The following GRM7 variants were observed in gnomAD, a reference collection of about 807,000 sequenced individuals.
GRM7 encodes the protein glutamate metabotropic receptor 7.
A neutral mutation model predicts 84.5 loss-of-function variants in GRM7; 35 were observed. That is an observed-to-expected ratio of 0.41 (90% CI 0.32 to 0.55). The LOEUF is 0.55. Ranked by LOEUF, GRM7 falls within the 20% of genes least tolerant of loss-of-function variation. The pLI, the probability that GRM7 is intolerant of heterozygous loss-of-function variation, is 0.19. For missense variants in GRM7, 1,003 were observed against 1,194.6 expected (o/e 0.84, Z 2.36); for synonymous variants, 487 against 455.1 (o/e 1.07, Z -0.89).
intron 1 of GRM7, among the ~76,000 whole-genome samples, chr3:7,065,348 G>C (rs186148421): frequency 1.3e-4 from 19 of 151,772 alleles, no homozygotes; most frequent in African/African-American, 4.6e-4. Context: ...CCTTAATCCA[G>C]CTTGAATTGA....
chr3:7,533,588 A>T lies in GRM7; in HGVS notation c.1516-44834A>T, dbSNP rs573286380. Among the ~76,000 whole-genome samples, 3 of 152,288 alleles carry T rather than the reference A, an allele frequency of 2.0e-5. No individual in the cohort carries two copies. In the East Asian group the frequency reaches 5.8e-4, roughly 29 times the overall value. Reference sequence around the variant, plus strand: ...CCCAAGGAGCAAGCCAGGCTCTCCAATAAGCTGTGTAGCTTCACAAAAGGG... The same window carrying T: ...CCCAAGGAGCAAGCCAGGCTCTCCATTAAGCTGTGTAGCTTCACAAAAGGG... On this transcript the variant is annotated intron_variant, in intron 7 of 9. Transcript: ENST00000357716.
At chr3:7,265,061 C>T (rs539489548) in intron 2 of GRM7, among the ~76,000 whole-genome samples, 1 of 152,238 alleles carries the variant, frequency 6.6e-6, no homozygotes, top group Non-Finnish European at 1.5e-5. Context: ...TTAGCAGGCA[C>T]ATTTTCTGTG....
intron 1 of GRM7, among the ~76,000 whole-genome samples, chr3:7,126,479 A>G (rs1693404771): frequency 6.6e-6 from 1 of 152,190 alleles, no homozygotes; most frequent in African/African-American, 2.4e-5. Context: ...AAGGTTTGTC[A>G]ACTTCCATGG....
intron 1 of GRM7, among the ~76,000 whole-genome samples, chr3:7,036,391 C>G (rs17046662): frequency 0.018 from 2,703 of 152,204 alleles, 70 homozygotes; most frequent in African/African-American, 0.062. Flanking sequence ...CCTCATATGT[C>G]TCTGTTTGAC....
At chr3:7,123,592 C>A (rs914665201) in intron 1 of GRM7, among the ~76,000 whole-genome samples, 1 of 151,896 alleles carries the variant, frequency 6.6e-6, no homozygotes, top group Non-Finnish European at 1.5e-5. Flanking sequence ...GTACTCCAGC[C>A]TGGGCAAGAG....
chr3:7,530,098 C>G (rs1179464392), intron 7 of GRM7, among the ~76,000 whole-genome samples: 2 of 145,758 alleles, frequency 1.4e-5, no homozygotes, highest in Admixed American at 6.9e-5. Context: ...CCTATCCCCC[C>G]CACCCCCCAA....
chr3:6,890,839 G>T (rs1695906906), intron 1 of GRM7, among the ~76,000 whole-genome samples: 1 of 152,232 alleles, frequency 6.6e-6, no homozygotes, highest in East Asian at 1.9e-4. Flanking sequence ...GGGTGTTAAA[G>T]TCTCCCATTA....
At chr3:6,958,183 G>T (rs978938327) in intron 1 of GRM7, among the ~76,000 whole-genome samples, 14 of 150,094 alleles carry the variant, frequency 9.3e-5, no homozygotes, top group African/African-American at 3.4e-4. Flanking sequence ...TGCAATCTTT[G>T]TTACTCTCTA....
At chr3:7,572,615 C>T (rs543139085) in intron 7 of GRM7, among the ~76,000 whole-genome samples, 4 of 150,840 alleles carry the variant, frequency 2.7e-5, no homozygotes, top group African/African-American at 4.9e-5. Flanking sequence ...GTCAGGAGAT[C>T]GAGATTATCC....
intron 2 of GRM7, among the ~76,000 whole-genome samples, chr3:7,216,096 C>A (rs73126278): frequency 0.02 from 2,977 of 152,268 alleles, 87 homozygotes; most frequent in African/African-American, 0.068. Context: ...TATTTTCCAG[C>A]TCTGATTCTA....
intron 9 of GRM7, among the ~76,000 whole-genome samples, chr3:7,704,772 C>A (rs549210862): frequency 9.9e-5 from 15 of 152,214 alleles, no homozygotes; most frequent in Admixed American, 7.8e-4. Flanking sequence ...CCCTGATGTC[C>A]CCAAATGCCT....
chr3:6,862,990 G>A lies in GRM7; in HGVS notation c.519+1083G>A, dbSNP rs1694814128. Reference sequence around the variant, plus strand: ...CAGCAGCCTCTGCCCCATGGCTCCTGAGCTGCACTGGGTAGGAATGAGTGG... The same window carrying A: ...CAGCAGCCTCTGCCCCATGGCTCCTAAGCTGCACTGGGTAGGAATGAGTGG... On this transcript the variant is annotated intron_variant, in intron 1 of 9. Coordinates refer to ENST00000357716, the MANE Select transcript of GRM7 (RefSeq NM_000844.4). This position sits in a 1 kb window ranked among gnomAD's most constrained non-coding sequence, Gnocchi z 5.2. 2.2e-6 allele frequency: 1 copy of A among 456,460 alleles called. No individual in the cohort carries two copies. The highest frequency in any genetic ancestry group is 2.0e-5 in the African/African-American group (1 of 50,070). 28.3% of individuals were successfully genotyped at this position (456,460 alleles called of 1,614,324 possible).
chr3:7,272,344 T>A (rs1439781484), intron 2 of GRM7, among the ~76,000 whole-genome samples: 1 of 152,168 alleles, frequency 6.6e-6, no homozygotes, highest in African/African-American at 2.4e-5. Context: ...TTTCTATAAA[T>A]AAAGAGTTTA....
At chr3:7,723,809 T>G (rs565242370) in intron 9 of GRM7, among the ~76,000 whole-genome samples, 2 of 152,248 alleles carry the variant, frequency 1.3e-5, no homozygotes, top group Non-Finnish European at 2.9e-5. Context: ...ATTGGGCCAC[T>G]GCACTCCAGC....
At chr3:7,685,898 C>A (rs780664335) in intron 9 of GRM7, among the ~76,000 whole-genome samples, 23 of 151,956 alleles carry the variant, frequency 1.5e-4, no homozygotes, top group Non-Finnish European at 1.2e-4. Context: ...CACTTCTGTG[C>A]TGTGTTAATT....
chr3:7,514,273 G>C (rs1700304374), intron 7 of GRM7, among the ~76,000 whole-genome samples: 1 of 152,228 alleles, frequency 6.6e-6, no homozygotes, highest in Non-Finnish European at 1.5e-5. Context: ...GAAAAAGTTG[G>C]AGATAGATGC....
At chr3:7,019,613 A>G (rs1373550124) in intron 1 of GRM7, among the ~76,000 whole-genome samples, 2 of 152,228 alleles carry the variant, frequency 1.3e-5, no homozygotes, top group Non-Finnish European at 1.5e-5. Context: ...ATAAGAGTGC[A>G]TGGAAAGTGG....
chr3:7,290,512 G>A (rs1313017056), intron 2 of GRM7, among the ~76,000 whole-genome samples: 2 of 152,096 alleles, frequency 1.3e-5, no homozygotes, highest in Admixed American at 1.3e-4. Context: ...ACATTTCTTG[G>A]CTGAAAGATA....
intron 4 of GRM7, among the ~76,000 whole-genome samples, chr3:7,394,500 G>C (rs1038174077): frequency 2.6e-5 from 4 of 152,060 alleles, no homozygotes; most frequent in Non-Finnish European, 5.9e-5. Flanking sequence ...CTCGTTGAGT[G>C]TTTATTACAT....
Sources: allele counts gnomAD v4.1 joint callset (sites outside exome capture counted in the v4.1 genomes callset), GRCh38; gene constraint gnomAD v4.1.1; non-coding constraint Gnocchi (gnomAD v3.1); transcripts MANE v1.5; gene names NCBI Gene and HGNC (gene_info 2026-07-23, HGNC 2026-07-21).